The following CACNA1S variants were observed in gnomAD, a reference collection of about 807,000 sequenced individuals.
CACNA1S encodes calcium voltage-gated channel subunit alpha1 S.
Under a neutral mutation model 207.4 loss-of-function variants are expected in CACNA1S, and 126 were observed. The ratio of observed to expected loss-of-function variants is 0.61; its 90% CI spans 0.53 to 0.70. The LOEUF (loss-of-function observed/expected upper bound fraction) is 0.70, where lower values mean the gene tolerates loss of function less well. CACNA1S is among the 30% of genes least tolerant of loss of function. The pLI, the probability that CACNA1S is intolerant of heterozygous loss-of-function variation, is 0.00. For missense variants in CACNA1S, 2,349 were observed against 2,422.8 expected (o/e 0.97, Z 0.64); for synonymous variants, 960 against 932.7 (o/e 1.03, Z -0.53).
intron 6 of CACNA1S, among the ~76,000 whole-genome samples, chr1:201,088,403 T>C (rs1027837562): frequency 1.3e-5 from 2 of 152,236 alleles, no homozygotes; most frequent in African/African-American, 2.4e-5. Flanking sequence ...GGTGAAATCA[T>C]ACATGTGACA....
At position 201,093,880 on chromosome 1, in the gene CACNA1S, AC is replaced by A; in HGVS notation, c.398+1del. The A allele has an allele frequency of 6.2e-7, 1 of 1,613,798 alleles. No individual in the cohort carries two copies. Among genetic ancestry groups the A allele is most frequent in the Non-Finnish European group, 8.5e-7 (1 of 1,179,928 alleles). Reference sequence around the variant, plus strand: ...TTCAGTCTCCCCACACCCAGCTCTCACCCCAGGAAGACAATGGTGAAGTCCA... The same window carrying A: ...TTCAGTCTCCCCACACCCAGCTCTCACCCAGGAAGACAATGGTGAAGTCCA... On this transcript the variant is annotated splice_donor_variant, in intron 3 of 43. Transcript: ENST00000362061. LOFTEE classifies it high-confidence loss of function.
At chr1:201,074,880 C>T (rs754936217) in intron 13 of CACNA1S, among the ~76,000 whole-genome samples, 3 of 152,216 alleles carry the variant, frequency 2.0e-5, no homozygotes, top group Non-Finnish European at 2.9e-5. Flanking sequence ...CACTGAGCTG[C>T]GTGGAGAGCC....
At chr1:201,068,992 C>T in intron 19 of CACNA1S, 145 bp downstream of exon 19, 5 of 740,408 alleles carry the variant, frequency 6.8e-6, no homozygotes, top group South Asian at 6.3e-5. Context: ...ACTTGTGGGC[C>T]TGCCGGTGTG....
At position 201,112,158 on chromosome 1, in the gene CACNA1S, C is replaced by T. The variant is rs115342744; in HGVS notation, c.152+30G>A. The stretch of plus-strand genomic sequence containing the variant: ...GAATCCCTCCCTCATGACGCACACC[C>T]CCCCCCACGGCCCGGGCCCTGAAGG... On this transcript the variant is annotated intron_variant, in intron 1 of 43. Coordinates refer to ENST00000362061, the MANE Select transcript of CACNA1S (RefSeq NM_000069.3). The T allele has an allele frequency of 6.0e-3, 9,525 of 1,598,296 alleles. 475 individuals carry two copies. The African/African-American group carries it at 0.11, about 18-fold the overall frequency.
chr1:201,108,778 T>C (rs944668713), intron 2 of CACNA1S, among the ~76,000 whole-genome samples: 49 of 152,268 alleles, frequency 3.2e-4, no homozygotes, highest in African/African-American at 1.1e-3. Context: ...CCTGGACACA[T>C]GCAAATATGC....
chr1:201,097,856 C>A (rs1279254582), intron 2 of CACNA1S, among the ~76,000 whole-genome samples: 1 of 152,124 alleles, frequency 6.6e-6, no homozygotes, highest in Non-Finnish European at 1.5e-5. Context: ...GACATATGGT[C>A]CCCCGACACA....
chr1:201,092,533 T>C (rs962501127), intron 3 of CACNA1S, among the ~76,000 whole-genome samples: 1 of 152,214 alleles, frequency 6.6e-6, no homozygotes, highest in East Asian at 1.9e-4. Flanking sequence ...CTGCACTTTT[T>C]GATAATGCCC....
At position 201,068,525 on chromosome 1, in the gene CACNA1S, G is replaced by A. The variant is rs532413716; in HGVS notation, c.2550+612C>T. On this transcript the variant is annotated intron_variant, in intron 19 of 43. Coordinates refer to ENST00000362061, the MANE Select transcript of CACNA1S (RefSeq NM_000069.3). ...CCCAAAGTGCTGGGATTACAGGCGT[G>A]AGCCACTGCGCCCGGCCACCAGGTC... 4.0e-5 allele frequency among the ~76,000 whole-genome samples: 6 copies of A among 150,898 alleles called. No homozygotes were observed. In the South Asian group the frequency reaches 1.3e-3, roughly 31 times the overall value.
rs2102562874 is a variant in CACNA1S at position 201,053,920 on chromosome 1, A to G, written c.3667-333T>C. 6.6e-6 allele frequency among the ~76,000 whole-genome samples: 1 copy of G among 152,150 alleles called. No homozygotes were observed. Among genetic ancestry groups the G allele is most frequent in the Middle Eastern group, 3.4e-3 (1 of 294 alleles). On this transcript the variant is annotated intron_variant, in intron 29 of 43. Coordinates refer to ENST00000362061, the MANE Select transcript of CACNA1S (RefSeq NM_000069.3). The surrounding 1 kb of genome is among the most constrained non-coding windows in gnomAD (Gnocchi z 5.1). ...TCTGGGACCTGCTGCACATCTCACA[A>G]TCTCCTCAAGCTGCCACTGAGTCGA...
In CACNA1S at chr1:201,066,451, C is replaced by G; in HGVS notation, c.2658-135G>C. 2 of 765,928 alleles carry G rather than the reference C, an allele frequency of 2.6e-6. No individual in the cohort carries two copies. The highest frequency in any genetic ancestry group is 2.7e-4 in the Middle Eastern group (1 of 3,640). 47.4% of individuals were successfully genotyped at this position (765,928 alleles called of 1,614,324 possible). A position where few individuals can be genotyped will look rare whatever the true frequency, so the allele number is the denominator to read the frequency against. The stretch of plus-strand genomic sequence containing the variant: ...TGAAAACACTCCCACCTTCCCCTTC[C>G]CTTTCCTCCAGCCGTGAGAGTGTGC... On this transcript the variant is annotated intron_variant, in intron 20 of 43. Coordinates refer to ENST00000362061, the MANE Select transcript of CACNA1S (RefSeq NM_000069.3). The surrounding 1 kb of genome is among the most constrained non-coding windows in gnomAD (Gnocchi z 4.3).
At chr1:201,060,557 T>C (rs370680287) in intron 26 of CACNA1S, 101 bp downstream of exon 26, 4 of 1,297,470 alleles carry the variant, frequency 3.1e-6, no homozygotes, top group African/African-American at 2.9e-5. Context: ...ACAAGAAATG[T>C]CTACTGGGGG....
At chr1:201,063,294 C>T (rs1250740998) in intron 22 of CACNA1S, among the ~76,000 whole-genome samples, 10 of 151,304 alleles carry the variant, frequency 6.6e-5, no homozygotes, top group Non-Finnish European at 1.5e-5. Flanking sequence ...TAGTGGATGG[C>T]TAGGTCTTTT....
rs745672876 is a variant in CACNA1S, at chr1:201,053,574, C to T, written c.3680G>A (p.Ser1227Asn). ...GAAGAAGGCGCTGGAGATGCGGGCACTCTCATCTGGGTCCTGCGGGGCAGC... is the reference window on the plus strand; with the variant it reads ...GAAGAAGGCGCTGGAGATGCGGGCATTCTCATCTGGGTCCTGCGGGGCAGC... ...GGCGNVDPDE[S>N]ARISSAFFRL... The change falls in exon 30 of 44, where the codon AGT (serine) becomes AAT (asparagine). Residue 1227 changes from serine (S) to asparagine (N), a missense_variant. By Grantham distance (46) the Ser-to-Asn change is conservative (BLOSUM62 1). Coordinates refer to ENST00000362061, the MANE Select transcript of CACNA1S (RefSeq NM_000069.3). This position sits in a 1 kb window ranked among gnomAD's most constrained non-coding sequence, Gnocchi z 5.1. 1.4e-5 allele frequency: 23 copies of T among 1,613,868 alleles called. No individual in the cohort carries two copies. The highest frequency in any genetic ancestry group is 4.4e-5 in the South Asian group (4 of 91,078).
intron 40 of CACNA1S, among the ~76,000 whole-genome samples, chr1:201,042,604 A>C (rs1414666055): frequency 2.0e-5 from 3 of 152,198 alleles, no homozygotes; most frequent in African/African-American, 7.2e-5. Context: ...GGCTGAATTT[A>C]AGGGGTCTCT....
rs886045796 is a variant in CACNA1S, at chr1:201,049,098, C to T, written c.4243G>A (p.Gly1415Arg). The stretch of plus-strand genomic sequence containing the variant: ...ACCACGTCCAGGTGTTTGATTCTCC[C>T]CCTGCGGGAGGACACACAGACTTGT... ...IWAEYDPEAK[G>R]RIKHLDVVTL... Residue 1415 changes from glycine to arginine, a missense_variant and splice_region_variant, in exon 35 of 44, where the codon GGG (glycine) becomes AGG (arginine). Transcript: ENST00000362061. 1.6e-5 allele frequency: 26 copies of T among 1,608,762 alleles called. No homozygotes were observed. Among genetic ancestry groups the T allele is most frequent in the Non-Finnish European group, 2.0e-5 (24 of 1,177,296 alleles).
chr1:201,104,352 C>T (rs12146106), intron 2 of CACNA1S, among the ~76,000 whole-genome samples: 21,577 of 152,200 alleles, frequency 0.14, 1,660 homozygotes, highest in Admixed American at 0.21. Flanking sequence ...AGAACTACTT[C>T]CCCTCCCCAA....
intron 14 of CACNA1S, among the ~76,000 whole-genome samples, chr1:201,073,885 T>C (rs1435196045): frequency 6.6e-6 from 1 of 152,110 alleles, no homozygotes; most frequent in Non-Finnish European, 1.5e-5. Flanking sequence ...TGTTTAACGT[T>C]GGTTGATAGT....
At chr1:201,069,034 C>T in intron 19 of CACNA1S, 103 bp downstream of exon 19, 1 of 1,025,814 alleles carries the variant, frequency 9.7e-7, no homozygotes, top group Non-Finnish European at 1.5e-6. Context: ...TGCCAGTCTC[C>T]ACCTCTTTTC....
In CACNA1S at chr1:201,040,061, C is replaced by A. The variant is rs781745745; in HGVS notation, c.5392G>T (p.Gly1798Cys). The change falls in exon 44 of 44, where the codon GGC becomes TGC. Residue 1798 changes from glycine (G) to cysteine (C), a missense_variant. Transcript: ENST00000362061. ...AAGTTTGCATCAGCTGCCAAGGTGC[C>A]CAGGCCCCCTCGAACCAGAGCCTGC... ...IQKALVRGGL[G>C]TLAADANFIM... 1 of 1,614,224 alleles carries A rather than the reference C, an allele frequency of 6.2e-7. No homozygotes were observed. The highest frequency in any genetic ancestry group is 1.1e-5 in the South Asian group (1 of 91,090).
Sources: gnomAD v4.1 joint callset for allele counts (sites outside exome capture counted in the v4.1 genomes callset) on GRCh38, gnomAD v4.1.1 for gene constraint, Gnocchi (gnomAD v3.1) non-coding constraint, MANE v1.5 for transcripts, NCBI Gene and HGNC (gene_info 2026-07-23, HGNC 2026-07-21) for gene names.